Variants in DNAH14 observed in about 807,000 individuals in gnomAD.
The protein encoded by DNAH14 is axonemal beta dynein heavy chain 14.
DNAH14 carries 478 observed loss-of-function variants against 520.9 expected under a neutral mutation model. The ratio of observed to expected loss-of-function variants is 0.92; its 90% CI spans 0.85 to 0.99. DNAH14 has a LOEUF of 0.99. Ranked by LOEUF, DNAH14 falls within the 50% of genes least tolerant of loss-of-function variation. The pLI, the probability that DNAH14 is intolerant of heterozygous loss-of-function variation, is 0.00. For missense variants in DNAH14, 4,831 were observed against 5,234.5 expected, an observed-to-expected ratio of 0.92 and a Z score of 2.38; for synonymous variants, 1,581 against 1,757.2, an observed-to-expected ratio of 0.90 and a Z score of 2.51.
chr1:225,338,259 T>C (rs2095102957), intron 68 of DNAH14, 77 bp downstream of exon 68: 1 of 1,500,638 alleles, frequency 6.7e-7, no homozygotes, highest in South Asian at 1.2e-5. Flanking sequence ...TGTATTTCAG[T>C]CCTGTCAAGC....
intron 26 of DNAH14, among the ~76,000 whole-genome samples, chr1:225,121,668 C>G (rs2077296363): frequency 6.6e-6 from 1 of 151,944 alleles, no homozygotes; most frequent in African/African-American, 2.4e-5. Flanking sequence ...TGGTGAAACC[C>G]TGTCTCTACT....
In DNAH14 at chr1:225,167,942, G is replaced by A; in HGVS notation, c.5449G>A (p.Val1817Ile). 6.7e-7 allele frequency: 1 copy of A among 1,496,816 alleles called. No homozygotes were observed. The highest frequency in any genetic ancestry group is 1.3e-5 in the South Asian group (1 of 76,908). The allele number at this position is 1,496,816 out of a possible 1,614,324, so 92.7% of individuals were successfully genotyped here. Reference protein sequence around the residue: ...LKVNQLALEKVIYTATQQLGL... With the variant: ...LKVNQLALEKIIYTATQQLGL... The stretch of plus-strand genomic sequence containing the variant: ...TTATGTATTTATTTCCTTTTAGAAA[G>A]TAATATATACTGCAACTCAGCAATT... The change falls in exon 36 of 86, where the codon GTA (valine) becomes ATA (isoleucine). Residue 1817 changes from valine to isoleucine, a missense_variant. By Grantham distance (29) the Val-to-Ile change is conservative (BLOSUM62 3). Coordinates refer to ENST00000682510, the MANE Select transcript of DNAH14 (RefSeq NM_001367479.1).
Position 225,270,774 on chromosome 1 carries a change from G to T in DNAH14, c.7579G>T (p.Val2527Phe). ...GTCTATAGTTGCAGCTTGTGTTCCA[G>T]TTGTGAATGATATCAGCCCACGTCT... The part of the protein sequence containing the change: ...DLSIVAACVP[V>F]VNDISPRLLK... Residue 2527 changes from valine to phenylalanine, a missense_variant, in exon 50 of 86, where the codon GTT becomes TTT. Val to Phe is a conservative substitution (Grantham distance 50). Transcript: ENST00000682510. The T allele has an allele frequency of 6.4e-7, 1 of 1,551,310 alleles. No homozygotes were observed. Among genetic ancestry groups the T allele is most frequent in the East Asian group, 2.4e-5 (1 of 40,864 alleles).
Position 225,304,926 on chromosome 1 carries a change from G to T in DNAH14, c.8842G>T (p.Ala2948Ser), listed in dbSNP as rs541854543. The change falls in exon 58 of 86, where the codon GCC becomes TCC. Residue 2948 changes from alanine to serine, a missense_variant. Coordinates refer to ENST00000682510, the MANE Select transcript of DNAH14 (RefSeq NM_001367479.1). ...TCTTCAGAACTTGAAAGAAAAACTT[G>T]CCCCAACATGTGTCCAAATCCACAA... ...ENRENLKEKL[A>S]PTCVQIHKSM... 12 of 1,513,016 alleles carry T rather than the reference G, an allele frequency of 7.9e-6. No individual in the cohort carries two copies. In the East Asian group the frequency reaches 1.2e-4, roughly 16 times the overall value. The allele number at this position is 1,513,016 out of a possible 1,614,324, so 93.7% of individuals were successfully genotyped here.
At chr1:225,239,440 G>A (rs2091833611) in intron 42 of DNAH14, among the ~76,000 whole-genome samples, 2 of 152,084 alleles carry the variant, frequency 1.3e-5, no homozygotes, top group African/African-American at 4.8e-5. Flanking sequence ...GGTTCCTTTG[G>A]CTATGTGCCA....
chr1:225,363,774 T>C (rs2095521229), intron 75 of DNAH14, among the ~76,000 whole-genome samples: 1 of 152,200 alleles, frequency 6.6e-6, no homozygotes, highest in Non-Finnish European at 1.5e-5. Context: ...TTACTTATAA[T>C]ACCTAATACA....
chr1:225,057,168 G>A (rs576437266), intron 17 of DNAH14, among the ~76,000 whole-genome samples: 84 of 152,330 alleles, frequency 5.5e-4, no homozygotes, highest in Non-Finnish European at 1.1e-3. Flanking sequence ...CCATGAGCAT[G>A]GAATGTTCTT....
In DNAH14 at chr1:225,043,077, A is replaced by G. The variant is rs1231551725; in HGVS notation, c.1731A>G (p.Ser577=). The G allele has an allele frequency of 6.4e-7, 1 of 1,551,362 alleles. No individual in the cohort carries two copies. The highest frequency in any genetic ancestry group is 2.4e-5 in the East Asian group (1 of 40,890). Reference sequence around the variant, plus strand: ...AATTGCTCCCAAAAGCCAAGAAATCAAAAGAAATTAGTTACAATCTTGAAG... The same window carrying G: ...AATTGCTCCCAAAAGCCAAGAAATCGAAAGAAATTAGTTACAATCTTGAAG... ...SEELLPKAKK[S]KEISYNLEDI... is the part of the protein sequence containing the mutation. The change falls in exon 13 of 86, where the codon TCA becomes TCG. Residue 577 remains serine (S), a synonymous_variant. Coordinates refer to ENST00000682510, the MANE Select transcript of DNAH14 (RefSeq NM_001367479.1).
chr1:225,324,864 A>T (rs749189736), intron 64 of DNAH14, 32 bp downstream of exon 64: 12 of 1,482,996 alleles, frequency 8.1e-6, no homozygotes, highest in Non-Finnish European at 1.1e-5. Flanking sequence ...TCAAAATAAG[A>T]CAAAACACCA....
chr1:225,120,787 A>C lies in DNAH14; in HGVS notation c.4166+1493A>C, dbSNP rs145527648. Among the ~76,000 whole-genome samples, 475 of 152,372 alleles carry C rather than the reference A, an allele frequency of 3.1e-3. 4 individuals carry two copies. Among genetic ancestry groups the C allele is most frequent in the African/African-American group, 7.8e-3 (325 of 41,582 alleles). On this transcript the variant is annotated intron_variant, in intron 26 of 85. Coordinates refer to ENST00000682510, the MANE Select transcript of DNAH14 (RefSeq NM_001367479.1). ...GTAGGCAAGAAACCCTGAAAAAATGAATCTGGGCATTTAAGCAAAAAAGAC... is the reference window on the plus strand; with the variant it reads ...GTAGGCAAGAAACCCTGAAAAAATGCATCTGGGCATTTAAGCAAAAAAGAC...
At chr1:225,007,223 G>A (rs1255525288) in intron 9 of DNAH14, among the ~76,000 whole-genome samples, 190 bp from the exon 10 acceptor site, 1 of 152,076 alleles carries the variant, frequency 6.6e-6, no homozygotes, top group Non-Finnish European at 1.5e-5. Context: ...GTATTTTTCT[G>A]TATTTTAATC....
intron 77 of DNAH14, among the ~76,000 whole-genome samples, chr1:225,373,898 G>A (rs1274179474): frequency 2.0e-5 from 3 of 151,646 alleles, no homozygotes; most frequent in Non-Finnish European, 2.9e-5. Context: ...GGCCAAGGCA[G>A]GCGGATCGCT....
Position 225,324,256 on chromosome 1 carries a change from C to T in DNAH14, c.9530C>T (p.Pro3177Leu), listed in dbSNP as rs1287393419. Residue 3177 changes from proline to leucine, a missense_variant, in exon 63 of 86, where the codon CCT (proline) becomes CTT (leucine). Physicochemically the swap from Pro to Leu is moderately conservative, Grantham distance 98. Coordinates refer to ENST00000682510, the MANE Select transcript of DNAH14 (RefSeq NM_001367479.1). ...AAGCTAAAAAAAATTGTAACCTTACCTGATTTCAACCCACACAAGATTTCG... is the reference window on the plus strand; with the variant it reads ...AAGCTAAAAAAAATTGTAACCTTACTTGATTTCAACCCACACAAGATTTCG... Reference protein sequence around the residue: ...FVKLKKIVTLPDFNPHKISLV... With the variant: ...FVKLKKIVTLLDFNPHKISLV... The T allele has an allele frequency of 6.4e-7, 1 of 1,551,670 alleles. No individual in the cohort carries two copies. Among genetic ancestry groups the T allele is most frequent in the East Asian group, 2.4e-5 (1 of 40,916 alleles).
At chr1:225,050,141 A>G in intron 15 of DNAH14, 69 bp from the exon 16 acceptor site, 6 of 1,327,860 alleles carry the variant, frequency 4.5e-6, no homozygotes, top group Non-Finnish European at 6.1e-6. Context: ...TCTAGATGTC[A>G]TGGATAATTT....
intron 27 of DNAH14, among the ~76,000 whole-genome samples, chr1:225,135,646 T>G (rs566589342): frequency 6.6e-6 from 1 of 152,148 alleles, no homozygotes; most frequent in Non-Finnish European, 1.5e-5. Flanking sequence ...TTCTGCTGTT[T>G]TGGGGTAAAG....
intron 27 of DNAH14, among the ~76,000 whole-genome samples, chr1:225,123,932 T>C (rs1313172929): frequency 6.6e-6 from 1 of 151,752 alleles, no homozygotes; most frequent in East Asian, 1.9e-4. Context: ...TTTGTATTTT[T>C]AGTAGAGATG....
Position 225,007,482 on chromosome 1 carries a change from T to G in DNAH14, c.1045T>G (p.Leu349Val). The G allele has an allele frequency of 6.5e-7, 1 of 1,541,510 alleles. No homozygotes were observed. The highest frequency in any genetic ancestry group is 8.8e-7 in the Non-Finnish European group (1 of 1,141,204). The change falls in exon 10 of 86, where the codon TTG (leucine) becomes GTG (valine). Residue 349 changes from leucine to valine, a missense_variant. Leu to Val is a conservative substitution (Grantham distance 32, BLOSUM62 1). Coordinates refer to ENST00000682510, the MANE Select transcript of DNAH14 (RefSeq NM_001367479.1). ...EEQLQQATQA[L>V]KQLEDIRNKA... ...GCAGTTACAGCAAGCTACCCAGGCA[T>G]TGAAACAACTTGAGGACATCAGGAA...
chr1:225,084,969 G>T lies in DNAH14; in HGVS notation c.3328-575G>T, dbSNP rs543873314. 2.2e-4 allele frequency among the ~76,000 whole-genome samples: 33 copies of T among 152,052 alleles called. No individual in the cohort carries two copies. The South Asian group carries it at 6.9e-3, about 32-fold the overall frequency. ...GGTAGGCTTCTTTCCCAAAGCTGTT[G>T]CTTAAGGCCATAAGAAGTAACTGAT... On this transcript the variant is annotated intron_variant, in intron 20 of 85. Coordinates refer to ENST00000682510, the MANE Select transcript of DNAH14 (RefSeq NM_001367479.1).
At chr1:225,198,889 T>C (rs2086473311) in intron 38 of DNAH14, among the ~76,000 whole-genome samples, 1 of 152,198 alleles carries the variant, frequency 6.6e-6, no homozygotes, top group South Asian at 2.1e-4. Flanking sequence ...TTTCTCTATC[T>C]TGTGGAATAG....
Sources: gnomAD v4.1 joint callset for allele counts (sites outside exome capture counted in the v4.1 genomes callset) on GRCh38, gnomAD v4.1.1 for gene constraint, MANE v1.5 for transcripts, NCBI Gene and HGNC (gene_info 2026-07-23, HGNC 2026-07-21) for gene names.